Variants in CPXCR1 observed in about 807,000 individuals in gnomAD.
CPXCR1 encodes CPX chromosome region candidate 1.
CPXCR1 carries 15 observed loss-of-function variants against 13.8 expected under a neutral mutation model. The observed-to-expected ratio is 1.09, with a 90% CI of 0.73 to 1.67. CPXCR1 has a LOEUF of 1.67. Ranked by LOEUF, CPXCR1 falls within the 40% of genes most tolerant of loss-of-function variation. The probability of loss-of-function intolerance (pLI) is 0.00; values close to 1 mark genes in which losing one functional copy is unlikely to be tolerated. For synonymous variants in CPXCR1, 70 were observed against 76.7 expected (o/e 0.91, Z 0.46); for missense variants, 247 against 223.6 (o/e 1.10, Z -0.67).
At chrX:88,747,885 T>G (rs1026518182) in intron 1 of CPXCR1, among the ~76,000 whole-genome samples, 2 of 112,215 alleles carry the variant, frequency 1.8e-5, no homozygotes, top group Non-Finnish European at 3.8e-5. Context: ...CTCCAGAGCA[T>G]GTGGGCATTG....
At chrX:88,752,253 G>A (rs947970371) in intron 2 of CPXCR1, among the ~76,000 whole-genome samples, 4 of 111,202 alleles carry the variant, frequency 3.6e-5, no homozygotes, top group Non-Finnish European at 7.5e-5. Flanking sequence ...AGAGGAGAGG[G>A]GTGACAGGAG....
At position 88,753,964 on chromosome X, in the gene CPXCR1, C is replaced by G. The variant is rs1177421326; in HGVS notation, c.550C>G (p.Pro184Ala). The G allele has an allele frequency of 1.7e-6, 2 of 1,209,640 alleles. No homozygotes were observed. Among genetic ancestry groups the G allele is most frequent in the South Asian group, 1.8e-5 (1 of 56,876 alleles). The change falls in exon 3 of 3, where the codon CCA becomes GCA. Residue 184 changes from proline (P) to alanine (A), a missense_variant. Physicochemically the swap from Pro to Ala is conservative, Grantham distance 27. Transcript: ENST00000276127. Reference sequence around the variant, plus strand: ...AAAATATATAGCATGTCTTTACCATCCAAATAGTTTCACCCATCACGAGAG... The same window carrying G: ...AAAATATATAGCATGTCTTTACCATGCAAATAGTTTCACCCATCACGAGAG... Reference protein sequence around the residue: ...KRKYIACLYHPNSFTHHERAI... With the variant: ...KRKYIACLYHANSFTHHERAI...
Position 88,753,665 on chromosome X carries a change from A to T in CPXCR1, c.251A>T (p.Asp84Val). 1.7e-6 allele frequency: 2 copies of T among 1,209,363 alleles called. No homozygotes were observed. Among genetic ancestry groups the T allele is most frequent in the Non-Finnish European group, 2.2e-6 (2 of 894,202 alleles). The change falls in exon 3 of 3, where the codon GAT becomes GTT. Residue 84 changes from aspartate to valine, a missense_variant. By Grantham distance (152) the Asp-to-Val change is radical. Coordinates refer to ENST00000276127, the MANE Select transcript of CPXCR1 (RefSeq NM_033048.6). ...ATCCAAAAAGATCAACGAGAAGAAG[A>T]TCTAAAAGAAGAGCTTCTTCTACTT... ...TEIQKDQREE[D>V]LKEELLLLQT...
rs147967317 is a variant in CPXCR1 at position 88,754,129 on chromosome X, G to A, written c.715G>A (p.Val239Met). The change falls in exon 3 of 3, where the codon GTG (valine) becomes ATG (methionine). Residue 239 changes from valine (V) to methionine (M), a missense_variant. Transcript: ENST00000276127. ...TGCTATTGTGAGGTCTGTGCTCTTT[G>A]TGTCACAGATACAAATTGAAAGTAT... ...FRAIVRSVLFVSQIQIESIFN... is the reference protein window; with the variant it reads ...FRAIVRSVLFMSQIQIESIFN... The A allele has an allele frequency of 1.7e-6, 2 of 1,199,162 alleles. No homozygotes were observed. The highest frequency in any genetic ancestry group is 3.5e-5 in the African/African-American group (2 of 56,842).
chrX:88,750,806 G>T (rs1349876048), intron 2 of CPXCR1, among the ~76,000 whole-genome samples: 1 of 111,521 alleles, frequency 9.0e-6, no homozygotes, highest in Non-Finnish European at 1.9e-5. Context: ...ACTTGGGAGG[G>T]TGTATGTGTC....
intron 2 of CPXCR1, among the ~76,000 whole-genome samples, chrX:88,751,213 A>G (rs1924908548): frequency 8.9e-6 from 1 of 111,886 alleles, no homozygotes; most frequent in Non-Finnish European, 1.9e-5. Flanking sequence ...ATTTAGTGCT[A>G]TAAACTTCCC....
rs5984611 is a variant in CPXCR1 at position 88,753,806 on chromosome X, G to A, written c.392G>A (p.Arg131His). Residue 131 changes from arginine to histidine, a missense_variant, in exon 3 of 3, where the codon CGT becomes CAT. By Grantham distance (29) the Arg-to-His change is conservative (BLOSUM62 0). Transcript: ENST00000276127. ...AATTTCCCCATAAATCACAAAACTC[G>A]TTTTCGACTTTCAACTTCATGGAGA... ...ANNFPINHKTRFRLSTSWRVP... is the reference protein window; with the variant it reads ...ANNFPINHKTHFRLSTSWRVP... 456,919 of 1,206,030 alleles carry A rather than the reference G, an allele frequency of 0.38. 61,500 individuals are homozygous for A. The highest frequency in any genetic ancestry group is 0.41 in the Non-Finnish European group (369,234 of 893,151).
At chrX:88,751,889 G>T (rs149152117) in intron 2 of CPXCR1, among the ~76,000 whole-genome samples, 4 of 111,487 alleles carry the variant, frequency 3.6e-5, no homozygotes, top group Non-Finnish European at 7.5e-5. Flanking sequence ...GCAGTTATGA[G>T]ATAAGGTTCC....
chrX:88,753,828 G>A lies in CPXCR1; in HGVS notation c.414G>A (p.Trp138Ter), dbSNP rs1229412782. The change falls in exon 3 of 3, where the codon TGG becomes TGA. Residue 138 changes from tryptophan (W) to a stop codon, truncating the protein, a stop_gained. Coordinates refer to ENST00000276127, the MANE Select transcript of CPXCR1 (RefSeq NM_033048.6). LOFTEE classifies it high-confidence loss of function. The stretch of plus-strand genomic sequence containing the variant: ...CTCGTTTTCGACTTTCAACTTCATG[G>A]AGAGTCCCATTTATTAACAGTCATG... ...HKTRFRLSTS[W>*]RVPFINSHEI... The A allele has an allele frequency of 3.3e-6, 4 of 1,208,580 alleles. No individual in the cohort carries two copies. The highest frequency in any genetic ancestry group is 4.5e-6 in the Non-Finnish European group (4 of 893,023).
At chrX:88,748,191 T>C (rs1297294509) in intron 1 of CPXCR1, among the ~76,000 whole-genome samples, 1 of 111,013 alleles carries the variant, frequency 9.0e-6, no homozygotes, top group Non-Finnish European at 1.9e-5. Context: ...GGCATATACA[T>C]CTACATTTAT....
intron 2 of CPXCR1, 108 bp from the exon 3 acceptor site, chrX:88,753,299 A>G (rs1924975193): frequency 4.9e-6 from 2 of 407,725 alleles, no homozygotes; most frequent in Admixed American, 1.0e-4. Flanking sequence ...GCGAGAAGGC[A>G]CAGAAATAGC....
chrX:88,752,375 G>A (rs190217538), intron 2 of CPXCR1, among the ~76,000 whole-genome samples: 2 of 111,263 alleles, frequency 1.8e-5, no homozygotes, highest in South Asian at 3.8e-4. Flanking sequence ...TGAACAGAAA[G>A]TGGTGAATTT....
intron 2 of CPXCR1, among the ~76,000 whole-genome samples, chrX:88,750,477 G>A (rs1404491278): frequency 1.8e-5 from 2 of 111,818 alleles, no homozygotes; most frequent in Non-Finnish European, 3.8e-5. Flanking sequence ...TGGTTTGCCA[G>A]TATTTTATTG....
At chrX:88,753,354 A>G in intron 2 of CPXCR1, 53 bp from the exon 3 acceptor site, 1 of 755,450 alleles carries the variant, frequency 1.3e-6, no homozygotes, top group Non-Finnish European at 1.8e-6. Context: ...GACTTCTTAT[A>G]AAATGGAACA....
At chrX:88,749,934 G>A (rs1341488866) in intron 2 of CPXCR1, among the ~76,000 whole-genome samples, 1 of 109,137 alleles carries the variant, frequency 9.2e-6, no homozygotes, top group Non-Finnish European at 1.9e-5. Flanking sequence ...TTTGTATCCT[G>A]AGACTTTGCT....
chrX:88,750,074 C>T (rs912118571), intron 2 of CPXCR1, among the ~76,000 whole-genome samples: 2 of 110,467 alleles, frequency 1.8e-5, no homozygotes, highest in African/African-American at 3.3e-5. Context: ...TTCTTTCTCT[C>T]GCCTGATTGC....
At chrX:88,751,437 T>C (rs1924915081) in intron 2 of CPXCR1, among the ~76,000 whole-genome samples, 3 of 112,125 alleles carry the variant, frequency 2.7e-5, no homozygotes, top group East Asian at 5.6e-4. Context: ...AGAGACTGTT[T>C]ATTATGATTT....
chrX:88,753,825 A>G lies in CPXCR1; in HGVS notation c.411A>G (p.Ser137=). The G allele has an allele frequency of 8.3e-7, 1 of 1,208,727 alleles. No individual in the cohort carries two copies. The highest frequency in any genetic ancestry group is 1.1e-6 in the Non-Finnish European group (1 of 892,958). Residue 137 remains serine (S), a synonymous_variant, in exon 3 of 3, where the codon TCA becomes TCG. Transcript: ENST00000276127. ...AAACTCGTTTTCGACTTTCAACTTC[A>G]TGGAGAGTCCCATTTATTAACAGTC... is the stretch of plus-strand genomic sequence containing the variant. The part of the protein sequence containing the change: ...NHKTRFRLST[S]WRVPFINSHE...
intron 1 of CPXCR1, among the ~76,000 whole-genome samples, chrX:88,747,930 C>A (rs1229979199): frequency 2.7e-5 from 3 of 112,068 alleles, no homozygotes. Flanking sequence ...AAATAAACTA[C>A]TTTCAATATA....
Sources: gnomAD v4.1 joint callset for allele counts (sites outside exome capture counted in the v4.1 genomes callset) on GRCh38, gnomAD v4.1.1 for gene constraint, MANE v1.5 for transcripts, NCBI Gene and HGNC (gene_info 2026-07-23, HGNC 2026-07-21) for gene names.